P2RX4: variants seen among roughly 807,000 people sequenced by gnomAD.
P2RX4 encodes P2X purinoceptor 4.
In P2RX4, 37 loss-of-function variants were observed where a neutral mutation model predicts 48.0. That is an observed-to-expected ratio of 0.77 (90% CI 0.59 to 1.01). The LOEUF (loss-of-function observed/expected upper bound fraction) is 1.01, where lower values mean the gene tolerates loss of function less well. Among genes scored for constraint, P2RX4 ranks in the 50% least tolerant of loss-of-function variants. The probability of loss-of-function intolerance (pLI) is 0.00; values close to 1 mark genes in which losing one functional copy is unlikely to be tolerated. For synonymous variants in P2RX4, 200 were observed against 199.7 expected, an observed-to-expected ratio of 1.00 and a Z score of -0.01; for missense variants, 501 against 521.4, an observed-to-expected ratio of 0.96 and a Z score of 0.38.
intron 2 of P2RX4, among the ~76,000 whole-genome samples, chr12:121,220,844 G>A (rs1470364477): frequency 2.0e-5 from 3 of 152,092 alleles, no homozygotes; most frequent in Non-Finnish European, 4.4e-5. Flanking sequence ...TGTCTCTATG[G>A]ACTTGACTGT....
At chr12:121,230,780 T>TG (rs1482304535) in intron 8 of P2RX4, among the ~76,000 whole-genome samples, 3 of 152,000 alleles carry the variant, frequency 2.0e-5, no homozygotes, top group African/African-American at 7.3e-5. Context: ...GGAGCTAGGG[T>TG]GCGGGCCGAG....
intron 8 of P2RX4, among the ~76,000 whole-genome samples, chr12:121,230,215 A>G (rs1887248728): frequency 6.6e-6 from 1 of 152,192 alleles, no homozygotes; most frequent in South Asian, 2.1e-4. Flanking sequence ...CCCCATCTCT[A>G]CTAAAAAAAA....
chr12:121,214,511 G>A (rs1490883290), intron 1 of P2RX4: 1 of 152,112 alleles, frequency 6.6e-6, no homozygotes, highest in African/African-American at 2.4e-5. Flanking sequence ...ACAATCATAT[G>A]AGGAGGAAAT....
chr12:121,224,781 T>A (rs1018171155), intron 5 of P2RX4, among the ~76,000 whole-genome samples: 4 of 151,410 alleles, frequency 2.6e-5, no homozygotes, highest in African/African-American at 9.7e-5. Context: ...CACCGAGAGC[T>A]CAGACCGAGG....
chr12:121,232,534 C>T lies in P2RX4; in HGVS notation c.978+27C>T, dbSNP rs755836411. 1.2e-5 allele frequency: 20 copies of T among 1,606,712 alleles called. No individual in the cohort carries two copies. The highest frequency in any genetic ancestry group is 1.0e-4 in the Admixed American group (6 of 60,028). ...TAGCTCGCCGCCACTGGCTCCCCTC[C>T]GTCACTCCCTGCAGGGACAAGGGGC... On this transcript the variant is annotated intron_variant, in intron 9 of 11. Coordinates refer to ENST00000337233, the MANE Select transcript of P2RX4 (RefSeq NM_002560.3). This position sits in a 1 kb window ranked among gnomAD's most constrained non-coding sequence, Gnocchi z 4.3.
Position 121,233,072 on chromosome 12 carries a change from T to TA in P2RX4, c.1121dup (p.Tyr374Ter). 1 of 1,611,982 alleles carries TA rather than the reference T, an allele frequency of 6.2e-7. No homozygotes were observed. The highest frequency in any genetic ancestry group is 2.2e-5 in the East Asian group (1 of 44,858). Reference protein sequence around the residue: ...RLYYREKKYKYVEDYEQGLAS... With the variant: ...RLYYREKKYK The stretch of plus-strand genomic sequence containing the variant: ...CTACTATCGGGAGAAGAAATATAAA[T>TA]ATGTGGAAGATTACGAGCAGGTAGG... Residue 374 changes from tyrosine to a stop codon, truncating the protein, a stop_gained and frameshift_variant, in exon 11 of 12, where the codon TAT becomes TAAT. Coordinates refer to ENST00000337233, the MANE Select transcript of P2RX4 (RefSeq NM_002560.3). LOFTEE classifies it high-confidence loss of function.
chr12:121,230,982 ATT>A (rs1306580537), intron 8 of P2RX4, among the ~76,000 whole-genome samples: 78 of 113,250 alleles, frequency 6.9e-4, no homozygotes, highest in South Asian at 2.9e-3. Flanking sequence ...ATATATATAT[ATT>A]TTTTTTTTTT....
At chr12:121,233,412 C>T in intron 11 of P2RX4, 111 bp from the exon 12 acceptor site, 1 of 1,202,188 alleles carries the variant, frequency 8.3e-7, no homozygotes, top group Non-Finnish European at 1.2e-6. Context: ...GGTTCCAGGC[C>T]TGGGACCAAC....
At position 121,222,105 on chromosome 12, in the gene P2RX4, GAC is replaced by G. The variant is rs746674673; in HGVS notation, c.367_368del (p.Thr123HisfsTer4). 10 of 1,611,018 alleles carry G rather than the reference GAC, an allele frequency of 6.2e-6. No individual in the cohort carries two copies. In the Admixed American group the frequency reaches 1.7e-4, roughly 27 times the overall value. ...QGLCPEIPDA[T>X]TVCKSDASCT... ...CCTTCTTTTTCCAGATTCCAGATGC[GAC>G]CACTGTGTGTAAATCAGATGCCAGC... is the stretch of plus-strand genomic sequence containing the variant. On this transcript the variant is annotated frameshift_variant, in exon 4 of 12. Coordinates refer to ENST00000337233, the MANE Select transcript of P2RX4 (RefSeq NM_002560.3). LOFTEE classifies it high-confidence loss of function.
chr12:121,222,226 G>A (rs1886668094), intron 4 of P2RX4, 60 bp downstream of exon 4: 1 of 1,152,048 alleles, frequency 8.7e-7, no homozygotes, highest in East Asian at 2.3e-5. Context: ...CCACTGTGGA[G>A]CGTCTCTGAT....
Position 121,216,850 on chromosome 12 carries a change from G to A in P2RX4, c.135-284G>A, listed in dbSNP as rs867498361. 1.4e-4 allele frequency: 88 copies of A among 645,454 alleles called. 1 individual carries two copies. The highest frequency in any genetic ancestry group is 1.1e-3 in the Middle Eastern group (3 of 2,698). 40.0% of individuals were successfully genotyped at this position (645,454 alleles called of 1,614,324 possible). A position where few individuals can be genotyped will look rare whatever the true frequency, so the allele number is the denominator to read the frequency against. ...AAAAAAAAAGAGAAAATGCTCAAATGTAATAAAGACAGTATTCATCGAGCG... is the reference window on the plus strand; with the variant it reads ...AAAAAAAAAGAGAAAATGCTCAAATATAATAAAGACAGTATTCATCGAGCG... On this transcript the variant is annotated intron_variant, in intron 1 of 11. Transcript: ENST00000337233.
rs116932569 is a variant in P2RX4, at chr12:121,227,675, C to T, written c.525-858C>T. On this transcript the variant is annotated intron_variant, in intron 5 of 11. Transcript: ENST00000337233. ...CTTGAGGGGAAGAACCTGGAAGGCT[C>T]GGCTCAGTGTCTTCTCTTGGAAGAG... 4.0e-3 allele frequency among the ~76,000 whole-genome samples: 608 copies of T among 152,246 alleles called. 3 individuals carry two copies. Among genetic ancestry groups the T allele is most frequent in the Admixed American group, 8.3e-3 (127 of 15,284 alleles).
chr12:121,211,392 C>T (rs780565604), intron 1 of P2RX4, among the ~76,000 whole-genome samples: 14 of 151,846 alleles, frequency 9.2e-5, no homozygotes, highest in African/African-American at 1.2e-4. Context: ...TTAGTAGAGA[C>T]GGGGTTTCAG....
chr12:121,230,936 G>GTGTA (rs34655693), intron 8 of P2RX4, among the ~76,000 whole-genome samples: 1 of 146,314 alleles, frequency 6.8e-6, no homozygotes, highest in African/African-American at 2.5e-5. Context: ...GTATATATGT[G>GTGTA]TATATATATA....
intron 1 of P2RX4, chr12:121,214,993 C>G (rs1486229784): frequency 2.0e-5 from 3 of 152,110 alleles, no homozygotes; most frequent in African/African-American, 7.2e-5. Context: ...ACAATGTTGG[C>G]CAGGCTGGTC....
chr12:121,210,396 GA>G, intron 1 of P2RX4, 98 bp downstream of exon 1: 1 of 1,223,410 alleles, frequency 8.2e-7, no homozygotes, highest in Non-Finnish European at 1.0e-6. Context: ...GCGAGTCCGG[GA>G]GCGGCGAGCC....
rs774501670 is a variant in P2RX4 at position 121,221,974 on chromosome 12, T to C, written c.344T>C (p.Leu115Pro). 1 of 1,614,198 alleles carries C rather than the reference T, an allele frequency of 6.2e-7. No homozygotes were observed. Residue 115 changes from leucine (L) to proline (P), a missense_variant, in exon 3 of 12, where the codon CTG becomes CCG. Leu to Pro is a moderately conservative substitution (Grantham distance 98). Coordinates refer to ENST00000337233, the MANE Select transcript of P2RX4 (RefSeq NM_002560.3). ...CTCACCATGAACCAGACACAGGGCC[T>C]GTGCCCCGAGGTAGGAGGCCCCCGG... ...VILTMNQTQG[L>P]CPEIPDATTV...
intron 2 of P2RX4, among the ~76,000 whole-genome samples, chr12:121,219,451 C>A (rs1886436124): frequency 6.6e-6 from 1 of 152,130 alleles, no homozygotes; most frequent in Non-Finnish European, 1.5e-5. Context: ...CTGGGCCCAG[C>A]CAGGCGCAGT....
chr12:121,233,340 T>C (rs377327211), intron 11 of P2RX4, 183 bp from the exon 12 acceptor site: 3 of 668,306 alleles, frequency 4.5e-6, no homozygotes, highest in East Asian at 2.7e-5. Context: ...TGATAATGCA[T>C]GCTCTGAGAA....
Sources: allele counts gnomAD v4.1 joint callset (sites outside exome capture counted in the v4.1 genomes callset), GRCh38; gene constraint gnomAD v4.1.1; non-coding constraint Gnocchi (gnomAD v3.1); transcripts MANE v1.5; gene names NCBI Gene and HGNC (gene_info 2026-07-23, HGNC 2026-07-21).